STK32B: variants seen among roughly 807,000 people sequenced by gnomAD.
STK32B encodes the protein serine/threonine kinase 32B.
Under a neutral mutation model 52.6 loss-of-function variants are expected in STK32B, and 43 were observed. That is an observed-to-expected ratio of 0.82 (90% CI 0.64 to 1.05). The LOEUF is 1.05. Ranked by LOEUF, STK32B falls within the 50% of genes least tolerant of loss-of-function variation. The pLI is 0.00. For missense variants in STK32B, 621 were observed against 534.6 expected (o/e 1.16, Z -1.59); for synonymous variants, 238 against 204.3 (o/e 1.17, Z -1.41).
chr4:5,124,231 G>A (rs761855110), intron 1 of STK32B, among the ~76,000 whole-genome samples: 76 of 152,018 alleles, frequency 5.0e-4, no homozygotes, highest in Non-Finnish European at 6.0e-4. Context: ...CGAAATCTCC[G>A]GCTGTTCTAA....
intron 2 of STK32B, among the ~76,000 whole-genome samples, chr4:5,144,490 T>C (rs538435038): frequency 1.3e-5 from 2 of 152,166 alleles, no homozygotes; most frequent in Non-Finnish European, 1.5e-5. Context: ...GAGGAGGACC[T>C]GTCTGGACAC....
At chr4:5,373,609 A>C (rs1359781266) in intron 4 of STK32B, among the ~76,000 whole-genome samples, 2 of 152,186 alleles carry the variant, frequency 1.3e-5, no homozygotes, top group African/African-American at 2.4e-5. Flanking sequence ...ACACCTGGGA[A>C]TCACTGGGAG....
intron 3 of STK32B, among the ~76,000 whole-genome samples, chr4:5,306,675 C>T (rs1056774543): frequency 6.6e-6 from 1 of 152,098 alleles, no homozygotes; most frequent in African/African-American, 2.4e-5. Flanking sequence ...CTGTTCTATT[C>T]ATTGTGCTGT....
At chr4:5,048,121 GT>G (rs544109916), upstream of STK32B, among the ~76,000 whole-genome samples, 613 of 143,552 alleles carry the variant, frequency 4.3e-3, 4 homozygotes, top group African/African-American at 0.014. Flanking sequence ...ATAATTTTCT[GT>G]TTTTTTTTTT....
rs188423137 is a variant in STK32B at position 5,488,406 on chromosome 4, T to A, written c.1107-10539T>A. On this transcript the variant is annotated intron_variant, in intron 11 of 11. Transcript: ENST00000282908. Reference sequence around the variant, plus strand: ...ATCCTGCAATTTTATTAAGAGCAGATCAATATTTCAAAAACATTTTTTATT... The same window carrying A: ...ATCCTGCAATTTTATTAAGAGCAGAACAATATTTCAAAAACATTTTTTATT... Among the ~76,000 whole-genome samples the A allele has an allele frequency of 2.2e-4, 34 of 152,342 alleles. 1 individual carries two copies. Among genetic ancestry groups the A allele is most frequent in the South Asian group, 2.1e-3 (10 of 4,832 alleles).
rs1717776362 is a variant in STK32B at position 5,470,533 on chromosome 4, T to C, written c.1106+2463T>C. Reference sequence around the variant, plus strand: ...TCTGCGGCCCTGATGGCTGATAGGCTTCCTGTCACAGCAGGCGTGCAGGCT... The same window carrying C: ...TCTGCGGCCCTGATGGCTGATAGGCCTCCTGTCACAGCAGGCGTGCAGGCT... On this transcript the variant is annotated intron_variant, in intron 11 of 11. Coordinates refer to ENST00000282908, the MANE Select transcript of STK32B (RefSeq NM_018401.3). The surrounding 1 kb of genome is among the most constrained non-coding windows in gnomAD (Gnocchi z 4.6). Among the ~76,000 whole-genome samples, 1 of 152,124 alleles carries C rather than the reference T, an allele frequency of 6.6e-6. No individual in the cohort carries two copies. Among genetic ancestry groups the C allele is most frequent in the Admixed American group, 6.5e-5 (1 of 15,270 alleles).
At chr4:5,184,495 C>G (rs1176538728) in intron 3 of STK32B, among the ~76,000 whole-genome samples, 6 of 151,928 alleles carry the variant, frequency 3.9e-5, no homozygotes, top group Non-Finnish European at 7.4e-5. Context: ...CCAAACCAGT[C>G]TGGCCAACAT....
upstream of STK32B, among the ~76,000 whole-genome samples, chr4:5,048,321 A>C (rs1474992074): frequency 8.7e-6 from 1 of 115,310 alleles, no homozygotes; most frequent in Non-Finnish European, 1.7e-5. Context: ...TTTTTTTGAG[A>C]TGGAGTCTCA....
rs532813254 is a variant in STK32B at position 5,153,919 on chromosome 4, T to G, written c.108+13959T>G. The stretch of plus-strand genomic sequence containing the variant: ...ATTAAGATGGCAATTCTCTGCAAAC[T>G]TATATACAGATTTGATTTTGGTTCT... On this transcript the variant is annotated intron_variant, in intron 2 of 11. Coordinates refer to ENST00000282908, the MANE Select transcript of STK32B (RefSeq NM_018401.3). Among the ~76,000 whole-genome samples the G allele has an allele frequency of 1.3e-5, 2 of 152,310 alleles. 1 individual carries two copies. Among genetic ancestry groups the G allele is most frequent in the Non-Finnish European group, 2.9e-5 (2 of 68,030 alleles).
chr4:5,379,255 C>T (rs1466380755), intron 4 of STK32B, among the ~76,000 whole-genome samples: 1 of 152,170 alleles, frequency 6.6e-6, no homozygotes, highest in Non-Finnish European at 1.5e-5. Context: ...TGCCCTTCCC[C>T]ACATTGCCTT....
chr4:5,391,874 G>T (rs1736616967), intron 4 of STK32B, among the ~76,000 whole-genome samples: 1 of 152,164 alleles, frequency 6.6e-6, no homozygotes, highest in Non-Finnish European at 1.5e-5. Flanking sequence ...TATCATTAAT[G>T]ACCTTAGTTG....
intron 3 of STK32B, among the ~76,000 whole-genome samples, chr4:5,190,490 G>A (rs952130704): frequency 5.1e-4 from 78 of 152,246 alleles, no homozygotes; most frequent in Non-Finnish European, 3.1e-4. Context: ...ACACCACACT[G>A]CATTTGGTGT....
chr4:5,324,248 G>T (rs371692132), intron 3 of STK32B, among the ~76,000 whole-genome samples: 1 of 152,318 alleles, frequency 6.6e-6, no homozygotes, highest in African/African-American at 2.4e-5. Context: ...CAGCTACTGG[G>T]GAGGGTGAGG....
At chr4:5,143,101 C>CTGTCTGTCTGTCTG (rs1553835236) in intron 2 of STK32B, among the ~76,000 whole-genome samples, 4 of 135,568 alleles carry the variant, frequency 3.0e-5, no homozygotes, top group Non-Finnish European at 4.8e-5. Context: ...CTGTCTCTGT[C>CTGTCTGTCTGTCTG]TCTGTCTGTC....
chr4:5,304,791 T>G (rs1019151133), intron 3 of STK32B, among the ~76,000 whole-genome samples: 1 of 151,986 alleles, frequency 6.6e-6, no homozygotes, highest in Admixed American at 6.6e-5. Flanking sequence ...GCTTTCAACT[T>G]TTTTCCCATT....
Position 5,469,633 on chromosome 4 carries a change from G to A in STK32B, c.1106+1563G>A, listed in dbSNP as rs1010629937. 1.3e-5 allele frequency among the ~76,000 whole-genome samples: 2 copies of A among 152,188 alleles called. No individual in the cohort carries two copies. The highest frequency in any genetic ancestry group is 2.4e-5 in the African/African-American group (1 of 41,450). ...GCAAAGGAGGCAGCAGCCTTTCACT[G>A]ACCCTGAGTGGCTATAGCTCTGAGG... On this transcript the variant is annotated intron_variant, in intron 11 of 11. Coordinates refer to ENST00000282908, the MANE Select transcript of STK32B (RefSeq NM_018401.3). This position sits in a 1 kb window ranked among gnomAD's most constrained non-coding sequence, Gnocchi z 4.7.
In STK32B at chr4:5,352,617, T is replaced by TA. The variant is rs1553876827; in HGVS notation, c.434+21238dup. 6.8e-3 allele frequency among the ~76,000 whole-genome samples: 586 copies of TA among 85,926 alleles called. 2 individuals are homozygous for TA. The highest frequency in any genetic ancestry group is 0.022 in the African/African-American group (374 of 16,710). The allele number at this position is 85,926 out of a possible 152,430, so 56.4% of individuals were successfully genotyped here. A position where few individuals can be genotyped will look rare whatever the true frequency, so the allele number is the denominator to read the frequency against. On this transcript the variant is annotated intron_variant, in intron 4 of 11. Coordinates refer to ENST00000282908, the MANE Select transcript of STK32B (RefSeq NM_018401.3). ...AAAGCAATCAGAAAAGAGAAAGAAA[T>TA]AAAAAAAAAAAAAACGTCCAAACTA...
At chr4:5,438,473 T>C in intron 6 of STK32B, among the ~76,000 whole-genome samples, 1 of 152,202 alleles carries the variant, frequency 6.6e-6, no homozygotes, top group South Asian at 2.1e-4. Context: ...TGGAGACTGA[T>C]CGTTCATGAG....
intron 5 of STK32B, among the ~76,000 whole-genome samples, chr4:5,412,158 C>T (rs917466168): frequency 1.3e-5 from 2 of 152,100 alleles, no homozygotes. Flanking sequence ...TATTGATTAT[C>T]GATACTCCAT....
Sources: gnomAD v4.1 joint callset for allele counts (sites outside exome capture counted in the v4.1 genomes callset) on GRCh38, gnomAD v4.1.1 for gene constraint, Gnocchi (gnomAD v3.1) non-coding constraint, MANE v1.5 for transcripts, NCBI Gene and HGNC (gene_info 2026-07-23, HGNC 2026-07-21) for gene names.